Variants in TMBIM6 observed in about 807,000 individuals in gnomAD.
The protein encoded by TMBIM6 is bax inhibitor 1.
In TMBIM6, 13 loss-of-function variants were observed where a neutral mutation model predicts 31.4. The observed-to-expected ratio is 0.41, with a 90% confidence interval of 0.27 to 0.66. The LOEUF (loss-of-function observed/expected upper bound fraction) is 0.66. TMBIM6 is among the 30% of genes least tolerant of loss of function. TMBIM6 has a pLI of 0.28. For missense variants in TMBIM6, 275 were observed against 289.5 expected, an observed-to-expected ratio of 0.95 and a Z score of 0.36; for synonymous variants, 85 against 101.7, an observed-to-expected ratio of 0.84 and a Z score of 0.99.
rs1310417614 is a variant in TMBIM6 at position 49,751,383 on chromosome 12, A to G, written c.-30-1081A>G. The stretch of plus-strand genomic sequence containing the variant: ...AAAAAATATTTTTACATCTGTCTAT[A>G]TATTGCTATATAGAAAGAAGATGAA... On this transcript the variant is annotated intron_variant, in intron 1 of 9. Coordinates refer to ENST00000267115, the MANE Select transcript of TMBIM6 (RefSeq NM_003217.3). 2.0e-5 allele frequency among the ~76,000 whole-genome samples: 3 copies of G among 152,164 alleles called. No individual in the cohort carries two copies. In the East Asian group the frequency reaches 5.8e-4, roughly 29 times the overall value.
chr12:49,760,915 C>T (rs1455465661), intron 8 of TMBIM6, among the ~76,000 whole-genome samples: 1 of 152,058 alleles, frequency 6.6e-6, no homozygotes, highest in East Asian at 1.9e-4. Flanking sequence ...TCTTGGCTCA[C>T]CGCAGCCTCC....
Position 49,746,963 on chromosome 12 carries a change from G to A in TMBIM6, c.-31+5352G>A, listed in dbSNP as rs543870356. On this transcript the variant is annotated intron_variant, in intron 1 of 9. Coordinates refer to ENST00000267115, the MANE Select transcript of TMBIM6 (RefSeq NM_003217.3). Reference sequence around the variant, plus strand: ...CGATTTTCCTTCCCTAGCCTCCTGAGTAGCTGGGATTACAGGCGCCCACCA... The same window carrying A: ...CGATTTTCCTTCCCTAGCCTCCTGAATAGCTGGGATTACAGGCGCCCACCA... Among the ~76,000 whole-genome samples the A allele has an allele frequency of 2.8e-4, 43 of 152,152 alleles. No individual in the cohort carries two copies. The East Asian group carries it at 7.7e-3, about 27-fold the overall frequency.
intron 1 of TMBIM6, among the ~76,000 whole-genome samples, chr12:49,748,663 C>T (rs998689318): frequency 1.3e-5 from 2 of 152,174 alleles, no homozygotes; most frequent in Non-Finnish European, 2.9e-5. Flanking sequence ...TGATTAACAC[C>T]TGAACATTTA....
chr12:49,753,419 A>C (rs1407929319), intron 3 of TMBIM6, among the ~76,000 whole-genome samples: 1 of 152,182 alleles, frequency 6.6e-6, no homozygotes, highest in Non-Finnish European at 1.5e-5. Flanking sequence ...TCCTTTACAA[A>C]ACTCTGATTG....
intron 9 of TMBIM6, among the ~76,000 whole-genome samples, chr12:49,762,399 A>G (rs1280901087): frequency 6.6e-6 from 1 of 152,256 alleles, no homozygotes; most frequent in East Asian, 1.9e-4. Flanking sequence ...TTGGGCTTCC[A>G]TCCAAGATTG....
At chr12:49,748,345 T>C (rs953997586) in intron 1 of TMBIM6, among the ~76,000 whole-genome samples, 1 of 152,164 alleles carries the variant, frequency 6.6e-6, no homozygotes, top group African/African-American at 2.4e-5. Context: ...CTGCTAAGAA[T>C]GCCTGTCTCC....
intron 1 of TMBIM6, among the ~76,000 whole-genome samples, chr12:49,750,096 A>C (rs1344583985): frequency 4.6e-5 from 7 of 152,176 alleles, no homozygotes; most frequent in African/African-American, 1.7e-4. Flanking sequence ...CAACCCACAC[A>C]GCCTTTGATG....
rs1041950460 is a variant in TMBIM6, at chr12:49,764,738, AAAC to A, written c.*1844_*1846del. The A allele has an allele frequency of 3.9e-5, 6 of 152,302 alleles. No homozygotes were observed. Among genetic ancestry groups the A allele is most frequent in the Admixed American group, 6.6e-5 (1 of 15,266 alleles). 9.4% of individuals were successfully genotyped at this position (152,302 alleles called of 1,614,324 possible). A position where few individuals can be genotyped will look rare whatever the true frequency, so the allele number is the denominator to read the frequency against. On this transcript the variant is annotated 3_prime_UTR_variant, in exon 10 of 10. Transcript: ENST00000267115. ...AAAAAAAAAAGAAAGAAAAAAAAAA[AAAC>A]ACCTACTTTTAAAGAAAATACCTAA... is the stretch of plus-strand genomic sequence containing the variant.
chr12:49,755,258 A>G (rs548459414), intron 3 of TMBIM6, among the ~76,000 whole-genome samples: 2 of 152,132 alleles, frequency 1.3e-5, no homozygotes, highest in South Asian at 4.1e-4. Flanking sequence ...TGTTTTTTTT[A>G]AAGTGACCAA....
Position 49,763,011 on chromosome 12 carries a change from T to A in TMBIM6, c.*115T>A. Reference sequence around the variant, plus strand: ...TAATGAAAAGCATCAGAAAAGCTTTTGTACTTTGTGGTTTCCTCTATTTTG... The same window carrying A: ...TAATGAAAAGCATCAGAAAAGCTTTAGTACTTTGTGGTTTCCTCTATTTTG... On this transcript the variant is annotated 3_prime_UTR_variant, in exon 10 of 10. Coordinates refer to ENST00000267115, the MANE Select transcript of TMBIM6 (RefSeq NM_003217.3). 3 of 1,224,914 alleles carry A rather than the reference T, an allele frequency of 2.4e-6. No individual in the cohort carries two copies. The Admixed American group carries it at 6.4e-5, about 26-fold the overall frequency. 75.9% of individuals were successfully genotyped at this position (1,224,914 alleles called of 1,614,324 possible).
At chr12:49,760,754 A>G (rs886643953) in intron 8 of TMBIM6, among the ~76,000 whole-genome samples, 2 of 151,378 alleles carry the variant, frequency 1.3e-5, no homozygotes, top group Non-Finnish European at 2.9e-5. Flanking sequence ...CCGTGAGGAC[A>G]TGGTGTCGAA....
chr12:49,761,757 T>C lies in TMBIM6; in HGVS notation c.668T>C (p.Met223Thr). Residue 223 changes from methionine (M) to threonine (T), a missense_variant, in exon 9 of 10, where the codon ATG becomes ACG. By Grantham distance (81) the Met-to-Thr change is moderately conservative. Coordinates refer to ENST00000267115, the MANE Select transcript of TMBIM6 (RefSeq NM_003217.3). ...DFITVFRKLM[M>T]ILAMNEKDKK... ...ATTACTGTCTTCAGAAAACTCATGA[T>C]GATCCTGGCCATGAATGAAAAGGTT... The C allele has an allele frequency of 1.2e-6, 2 of 1,614,246 alleles. No individual in the cohort carries two copies. Among genetic ancestry groups the C allele is most frequent in the Non-Finnish European group, 8.5e-7 (1 of 1,180,036 alleles).
chr12:49,747,858 C>T (rs1945424431), intron 1 of TMBIM6, among the ~76,000 whole-genome samples: 2 of 151,858 alleles, frequency 1.3e-5, no homozygotes, highest in South Asian at 4.2e-4. Context: ...CACTGTAGCT[C>T]CTAGGTGTGT....
At chr12:49,759,904 A>C (rs1311821663) in intron 8 of TMBIM6, among the ~76,000 whole-genome samples, 1 of 151,328 alleles carries the variant, frequency 6.6e-6, no homozygotes, top group Non-Finnish European at 1.5e-5. Flanking sequence ...CGAGGTCAGG[A>C]GATCGAAACC....
intron 1 of TMBIM6, chr12:49,742,438 A>C: frequency 9.5e-7 from 1 of 1,050,230 alleles, no homozygotes; most frequent in South Asian, 1.9e-5. Context: ...CTGAGTGTAG[A>C]ATTACTACCC....
intron 1 of TMBIM6, among the ~76,000 whole-genome samples, chr12:49,745,109 T>C (rs981063293): frequency 6.6e-6 from 1 of 152,128 alleles, no homozygotes. Flanking sequence ...CCTGGGAAGA[T>C]CAAAGCTTGG....
chr12:49,744,526 C>T (rs1945355104), intron 1 of TMBIM6: 1 of 152,154 alleles, frequency 6.6e-6, no homozygotes, highest in African/African-American at 2.4e-5. Flanking sequence ...TAAAGGTTAC[C>T]TAAGTGACCC....
Position 49,752,481 on chromosome 12 carries a change from G to A in TMBIM6, c.-13G>A, listed in dbSNP as rs776656875. 8 of 1,612,728 alleles carry A rather than the reference G, an allele frequency of 5.0e-6. No individual in the cohort carries two copies. The highest frequency in any genetic ancestry group is 2.7e-5 in the African/African-American group (2 of 74,724). ...TTCTGCAGAGTGGAGACTGCTGCAC[G>A]GACTCTGGAACCATGAACATATTTG... On this transcript the variant is annotated 5_prime_UTR_variant, in exon 2 of 10. Transcript: ENST00000267115.
chr12:49,754,180 T>C (rs534669533), intron 3 of TMBIM6, among the ~76,000 whole-genome samples: 1 of 152,044 alleles, frequency 6.6e-6, no homozygotes, highest in Non-Finnish European at 1.5e-5. Flanking sequence ...TGAGTGGAGG[T>C]CTTGTGGTGT....
Sources: gnomAD v4.1 joint callset for allele counts (sites outside exome capture counted in the v4.1 genomes callset) on GRCh38, gnomAD v4.1.1 for gene constraint, MANE v1.5 for transcripts, NCBI Gene and HGNC (gene_info 2026-07-23, HGNC 2026-07-21) for gene names.